WNT8B: variants seen among roughly 807,000 people sequenced by gnomAD.
WNT8B encodes protein Wnt-8b.
Under a neutral mutation model 36.6 loss-of-function variants are expected in WNT8B, and 24 were observed. The ratio of observed to expected loss-of-function variants is 0.66; its 90% confidence interval spans 0.48 to 0.92. The LOEUF is 0.92. Ranked by LOEUF, WNT8B falls within the 40% of genes least tolerant of loss-of-function variation. The pLI, the probability that WNT8B is intolerant of heterozygous loss-of-function variation, is 0.00. For synonymous variants in WNT8B, 199 were observed against 189.8 expected (o/e 1.05, Z -0.40); for missense variants, 402 against 470.8 (o/e 0.85, Z 1.35).
intron 1 of WNT8B, among the ~76,000 whole-genome samples, chr10:100,476,965 G>A (rs1342876815): frequency 2.0e-5 from 3 of 152,142 alleles, no homozygotes; most frequent in Non-Finnish European, 4.4e-5. Flanking sequence ...TTTGTCATGT[G>A]TAGCCTTGTA....
At chr10:100,475,488 C>G (rs139396194) in intron 1 of WNT8B, among the ~76,000 whole-genome samples, 1 of 152,194 alleles carries the variant, frequency 6.6e-6, no homozygotes, top group South Asian at 2.1e-4. Context: ...TTGGGCTTGA[C>G]CTGGATATCA....
intron 1 of WNT8B, among the ~76,000 whole-genome samples, chr10:100,469,344 C>T (rs1797645165): frequency 6.6e-6 from 1 of 152,216 alleles, no homozygotes; most frequent in Non-Finnish European, 1.5e-5. Flanking sequence ...GATCCCTCCA[C>T]TGATACCAGC....
At chr10:100,479,372 C>T (rs962359631) in intron 2 of WNT8B, among the ~76,000 whole-genome samples, 54 of 152,278 alleles carry the variant, frequency 3.5e-4, no homozygotes, top group African/African-American at 1.3e-3. Flanking sequence ...GTCACACATC[C>T]TTCTCAGTGC....
At chr10:100,467,316 C>A (rs779567140) in intron 1 of WNT8B, among the ~76,000 whole-genome samples, 1 of 152,138 alleles carries the variant, frequency 6.6e-6, no homozygotes, top group Non-Finnish European at 1.5e-5. Flanking sequence ...CCAGTCCAAA[C>A]TCGCTTTTTA....
rs1368964953 is a variant in WNT8B, at chr10:100,473,700, C to T, written c.69-5352C>T. Among the ~76,000 whole-genome samples, 8 of 152,122 alleles carry T rather than the reference C, an allele frequency of 5.3e-5. No homozygotes were observed. In the East Asian group the frequency reaches 7.7e-4, roughly 15 times the overall value. ...TTGCACTTTGGGAGGCTGAGGCAGG[C>T]GGATTGCTTGAGGTCAGGAGTTTGA... On this transcript the variant is annotated intron_variant, in intron 1 of 5. Transcript: ENST00000343737.
At position 100,482,561 on chromosome 10, in the gene WNT8B, C is replaced by A; in HGVS notation, c.801C>A (p.Thr267=). ...ACAAAACGCTAGGGCTGCTGGGCACCGAAGGCCGAGAGTGCCTAAGGCGCG... is the reference window on the plus strand; with the variant it reads ...ACAAAACGCTAGGGCTGCTGGGCACAGAAGGCCGAGAGTGCCTAAGGCGCG... ...LENKTLGLLG[T]EGRECLRRGR... Residue 267 remains threonine, a synonymous_variant, in exon 6 of 6, where the codon ACC becomes ACA. Transcript: ENST00000343737. This position sits in a 1 kb window ranked among gnomAD's most constrained non-coding sequence, Gnocchi z 6.6. The A allele has an allele frequency of 6.3e-7, 1 of 1,598,484 alleles. No individual in the cohort carries two copies. Among genetic ancestry groups the A allele is most frequent in the Non-Finnish European group, 8.5e-7 (1 of 1,178,598 alleles).
intron 4 of WNT8B, among the ~76,000 whole-genome samples, chr10:100,481,665 A>G (rs1380877729): frequency 6.6e-6 from 1 of 152,210 alleles, no homozygotes; most frequent in Non-Finnish European, 1.5e-5. Flanking sequence ...GGCACCTTGC[A>G]AAGAATCCAC....
At chr10:100,479,349 G>A (rs1276476828) in intron 2 of WNT8B, among the ~76,000 whole-genome samples, 1 of 152,176 alleles carries the variant, frequency 6.6e-6, no homozygotes, top group Admixed American at 6.5e-5. Context: ...TTTTATAGGT[G>A]TCAGGCTGCA....
chr10:100,472,173 C>T (rs990667514), intron 1 of WNT8B, among the ~76,000 whole-genome samples: 4 of 150,562 alleles, frequency 2.7e-5, no homozygotes, highest in Admixed American at 1.3e-4. Flanking sequence ...GGCAGTGGCG[C>T]GATCTTGGCT....
chr10:100,466,613 A>T (rs1850909899), intron 1 of WNT8B, among the ~76,000 whole-genome samples: 1 of 152,064 alleles, frequency 6.6e-6, no homozygotes. Context: ...TCTTTGTTTT[A>T]GTTTTAGTTT....
chr10:100,464,137 A>G lies in WNT8B; in HGVS notation c.68+901A>G, dbSNP rs376698932. Among the ~76,000 whole-genome samples, 188 of 152,348 alleles carry G rather than the reference A, an allele frequency of 1.2e-3. 4 individuals carry two copies. In the South Asian group the frequency reaches 0.037, roughly 30 times the overall value. ...CAATTGCTACATAAACTGTTGAGGAAGCAGGAAAAGAAATTTCTTTGCTGA... is the reference window on the plus strand; with the variant it reads ...CAATTGCTACATAAACTGTTGAGGAGGCAGGAAAAGAAATTTCTTTGCTGA... On this transcript the variant is annotated intron_variant, in intron 1 of 5. Coordinates refer to ENST00000343737, the MANE Select transcript of WNT8B (RefSeq NM_003393.4).
Position 100,482,569 on chromosome 10 carries a change from G to A in WNT8B, c.809G>A (p.Arg270Gln). 3 of 1,598,518 alleles carry A rather than the reference G, an allele frequency of 1.9e-6. No homozygotes were observed. Among genetic ancestry groups the A allele is most frequent in the Non-Finnish European group, 2.5e-6 (3 of 1,178,450 alleles). The change falls in exon 6 of 6, where the codon CGA becomes CAA. Residue 270 changes from arginine to glutamine, a missense_variant. This residue lies in a region of WNT8B where 256 missense variants were observed against 278.6 expected (regional missense o/e 0.92). Transcript: ENST00000343737. The surrounding 1 kb of genome is among the most constrained non-coding windows in gnomAD (Gnocchi z 6.6). ...KTLGLLGTEG[R>Q]ECLRRGRALG... ...CTAGGGCTGCTGGGCACCGAAGGCC[G>A]AGAGTGCCTAAGGCGCGGGCGGGCC...
chr10:100,480,839 G>A (rs984220280), intron 3 of WNT8B, among the ~76,000 whole-genome samples, 159 bp from the exon 4 acceptor site: 3 of 152,040 alleles, frequency 2.0e-5, no homozygotes, highest in Non-Finnish European at 2.9e-5. Context: ...CCGACTCTCT[G>A]CAAAAAAATA....
chr10:100,471,180 C>T (rs557037174), intron 1 of WNT8B, among the ~76,000 whole-genome samples: 7 of 152,336 alleles, frequency 4.6e-5, no homozygotes, highest in South Asian at 4.1e-4. Flanking sequence ...AGGAGGCTAT[C>T]CATCTAGGTT....
chr10:100,473,122 A>G (rs11190572), intron 1 of WNT8B, among the ~76,000 whole-genome samples: 32,443 of 152,160 alleles, frequency 0.21, 3,553 homozygotes, highest in South Asian at 0.23. Flanking sequence ...GTATACAGAG[A>G]TAATTAAGGC....
intron 1 of WNT8B, among the ~76,000 whole-genome samples, chr10:100,468,630 C>T (rs986886624): frequency 3.3e-5 from 5 of 152,220 alleles, no homozygotes; most frequent in Non-Finnish European, 7.3e-5. Flanking sequence ...TTCTCAGCAG[C>T]ACTTGCTACA....
rs889468518 is a variant in WNT8B at position 100,482,153 on chromosome 10, A to G, written c.510+99A>G. 10 of 1,567,824 alleles carry G rather than the reference A, an allele frequency of 6.4e-6. No individual in the cohort carries two copies. Among genetic ancestry groups the G allele is most frequent in the Non-Finnish European group, 8.6e-6 (10 of 1,156,858 alleles). ...TCAGTTCATTTAAAAGATTGGCAAA[A>G]TGAGGTACCAAGTGGGCTGGCCCAG... is the stretch of plus-strand genomic sequence containing the variant. On this transcript the variant is annotated intron_variant, in intron 5 of 5. Transcript: ENST00000343737. This position sits in a 1 kb window ranked among gnomAD's most constrained non-coding sequence, Gnocchi z 6.6.
At chr10:100,475,408 A>T (rs1851026826) in intron 1 of WNT8B, among the ~76,000 whole-genome samples, 1 of 152,184 alleles carries the variant, frequency 6.6e-6, no homozygotes, top group Admixed American at 6.5e-5. Flanking sequence ...CTTTATAGGA[A>T]TGTTGTCCAA....
intron 1 of WNT8B, among the ~76,000 whole-genome samples, chr10:100,467,030 C>T (rs1249800564): frequency 2.0e-5 from 3 of 151,716 alleles, no homozygotes; most frequent in African/African-American, 7.3e-5. Flanking sequence ...CTGAGGGAAA[C>T]ACTGAGCTTG....
Sources: allele counts gnomAD v4.1 joint callset (sites outside exome capture counted in the v4.1 genomes callset), GRCh38; gene constraint gnomAD v4.1.1; regional missense constraint gnomAD v4.1.1; non-coding constraint Gnocchi (gnomAD v3.1); transcripts MANE v1.5; gene names NCBI Gene and HGNC (gene_info 2026-07-23, HGNC 2026-07-21).